LRIT3: variants seen among roughly 807,000 people sequenced by gnomAD.
The protein encoded by LRIT3 is leucine rich repeat, Ig-like and transmembrane domains 3, also known as leucine-rich repeat, immunoglobulin-like domain and transmembrane domain-containing protein 3.
LRIT3 carries 14 observed loss-of-function variants against 22.6 expected under a neutral mutation model. The observed-to-expected ratio is 0.62, with a 90% CI of 0.41 to 0.97. The LOEUF (loss-of-function observed/expected upper bound fraction) is 0.97, where lower values mean the gene tolerates loss of function less well. Ranked by LOEUF, LRIT3 falls within the 50% of genes least tolerant of loss-of-function variation. LRIT3 has a pLI of 0.00. For synonymous variants in LRIT3, 306 were observed against 304.5 expected, an observed-to-expected ratio of 1.01 and a Z score of -0.05; for missense variants, 783 against 803.0, an observed-to-expected ratio of 0.98 and a Z score of 0.30.
At chr4:109,863,332 A>G (rs894921386) in intron 2 of LRIT3, among the ~76,000 whole-genome samples, 3 of 152,132 alleles carry the variant, frequency 2.0e-5, no homozygotes, top group Admixed American at 1.3e-4. Flanking sequence ...TGGCTGTCCA[A>G]TTGTGTGACC....
intron 2 of LRIT3, among the ~76,000 whole-genome samples, chr4:109,862,043 T>C (rs1016720026): frequency 1.3e-5 from 2 of 152,192 alleles, no homozygotes; most frequent in Non-Finnish European, 2.9e-5. Flanking sequence ...TCCAGCACCA[T>C]TCATTAAAAA....
chr4:109,867,023 C>A (rs558804379), intron 2 of LRIT3, among the ~76,000 whole-genome samples: 1 of 152,306 alleles, frequency 6.6e-6, no homozygotes, highest in South Asian at 2.1e-4. Context: ...CACTCTATAT[C>A]TTTTGCCACA....
At chr4:109,850,418 C>CTTTCTTTCTCTTTCTTTCTTTCTTTCTTT (rs1491056843) in intron 1 of LRIT3, among the ~76,000 whole-genome samples, 1 of 28,228 alleles carries the variant, frequency 3.5e-5, no homozygotes, top group Non-Finnish European at 6.5e-5. Flanking sequence ...TTCCTTCCTT[C>CTTTCTTTCTCTTTCTTTCTTTCTTTCTTT]CTTCCTTTCT....
intron 2 of LRIT3, among the ~76,000 whole-genome samples, chr4:109,859,153 G>A (rs1734474686): frequency 6.6e-6 from 1 of 152,096 alleles, no homozygotes; most frequent in African/African-American, 2.4e-5. Context: ...AAAAATAATA[G>A]ACACACACAA....
Position 109,867,646 on chromosome 4 carries a change from C to A in LRIT3, c.595C>A (p.Gln199Lys). ...TTTCCCACCTTCTGTTTTAGGTCTACAGGACAATCCTTGGTTCTGTGACTG... is the reference window on the plus strand; with the variant it reads ...TTTCCCACCTTCTGTTTTAGGTCTAAAGGACAATCCTTGGTTCTGTGACTG... Reference protein sequence around the residue: ...LSPSRIILGLQDNPWFCDCHI... With the variant: ...LSPSRIILGLKDNPWFCDCHI... The change falls in exon 3 of 4, where the codon CAG (glutamine) becomes AAG (lysine). Residue 199 changes from glutamine to lysine, a missense_variant. Transcript: ENST00000594814. 1 of 1,613,048 alleles carries A rather than the reference C, an allele frequency of 6.2e-7. No individual in the cohort carries two copies. Among genetic ancestry groups the A allele is most frequent in the Non-Finnish European group, 8.5e-7 (1 of 1,179,150 alleles).
chr4:109,856,365 A>G (rs528291453), intron 2 of LRIT3, among the ~76,000 whole-genome samples: 13 of 152,278 alleles, frequency 8.5e-5, no homozygotes, highest in African/African-American at 3.1e-4. Context: ...TATTTTTTCC[A>G]ATTTTACACA....
chr4:109,849,893 G>A (rs536267523), intron 1 of LRIT3, among the ~76,000 whole-genome samples: 3 of 152,324 alleles, frequency 2.0e-5, no homozygotes, highest in South Asian at 4.1e-4. Context: ...GATTACAGGC[G>A]TGAGCCACCG....
At chr4:109,854,028 C>T (rs1579373506) in intron 2 of LRIT3, among the ~76,000 whole-genome samples, 1 of 87,958 alleles carries the variant, frequency 1.1e-5, no homozygotes, top group African/African-American at 4.6e-5. Flanking sequence ...GTGATGCCTC[C>T]AGCTTTGTTT....
intron 2 of LRIT3, among the ~76,000 whole-genome samples, chr4:109,855,584 T>C (rs992296670): frequency 7.9e-5 from 12 of 152,200 alleles, no homozygotes; most frequent in African/African-American, 2.9e-4. Flanking sequence ...TCTGCTAGCT[T>C]TTGAATGTGT....
chr4:109,850,415 C>T (rs868626232), intron 1 of LRIT3, among the ~76,000 whole-genome samples: 663 of 17,606 alleles, frequency 0.038, 11 homozygotes, highest in African/African-American at 0.067. Context: ...TCCTTCCTTC[C>T]TTCCTTCCTT....
At chr4:109,868,308 C>T (rs965516152) in intron 3 of LRIT3, among the ~76,000 whole-genome samples, 11 of 152,122 alleles carry the variant, frequency 7.2e-5, no homozygotes, top group East Asian at 1.9e-4. Flanking sequence ...CGGTGGCTCA[C>T]ACCTGTAATC....
In LRIT3 at chr4:109,867,621, T is replaced by A; in HGVS notation, c.590-20T>A. On this transcript the variant is annotated intron_variant, in intron 2 of 3. Coordinates refer to ENST00000594814, the MANE Select transcript of LRIT3 (RefSeq NM_198506.5). ...GTCATCAGAATAATCTTTGTCAACC[T>A]TTCCCACCTTCTGTTTTAGGTCTAC... The A allele has an allele frequency of 6.2e-7, 1 of 1,606,186 alleles. No homozygotes were observed. The highest frequency in any genetic ancestry group is 8.5e-7 in the Non-Finnish European group (1 of 1,174,200).
At chr4:109,857,322 AG>A (rs35951347) in intron 2 of LRIT3, among the ~76,000 whole-genome samples, 112 of 147,356 alleles carry the variant, frequency 7.6e-4, no homozygotes, top group African/African-American at 2.5e-3. Context: ...CATTAGCAAC[AG>A]GGGGGTATAA....
Position 109,870,552 on chromosome 4 carries a change from CTTG to C in LRIT3, c.1808_1810del (p.Leu603del), listed in dbSNP as rs752913619. On this transcript the variant is annotated inframe_deletion, in exon 4 of 4. Transcript: ENST00000594814. ...TTGTTATCTTACCATTGATTTGTTT[CTTG>C]TTGTACAAAGTTTGCAAACTGCAAT... 5.0e-6 allele frequency: 8 copies of C among 1,613,982 alleles called. No homozygotes were observed. The highest frequency in any genetic ancestry group is 4.0e-5 in the African/African-American group (3 of 74,912).
chr4:109,868,309 A>G (rs4698753), intron 3 of LRIT3, among the ~76,000 whole-genome samples: 126,347 of 152,090 alleles, frequency 0.83, 52,720 homozygotes, highest in African/African-American at 0.92. Flanking sequence ...GGTGGCTCAC[A>G]CCTGTAATCC....
chr4:109,870,306 T>G lies in LRIT3; in HGVS notation c.1557T>G (p.Tyr519Ter). ...ATAACTCTGCAGTGACTGTGTTGTA[T>G]TCCAAGTATGGTGGGAAGGACCTGC... ...TTHNSAVTVL[Y>*]SKYGGKDLLL... Residue 519 changes from tyrosine (Y) to a stop codon, truncating the protein, a stop_gained, in exon 4 of 4, where the codon TAT (tyrosine) becomes TAG (stop). Transcript: ENST00000594814. LOFTEE classifies it low-confidence loss of function (END_TRUNC). 1 of 1,614,202 alleles carries G rather than the reference T, an allele frequency of 6.2e-7. No individual in the cohort carries two copies. The highest frequency in any genetic ancestry group is 1.3e-5 in the African/African-American group (1 of 75,050).
In LRIT3 at chr4:109,859,430, A is replaced by G. The variant is rs554922240; in HGVS notation, c.589+7454A>G. ...TCAGTAATTTCTAACAGAGCCTTAA[A>G]ACAGAAACACAGTCTTTTCATAACC... On this transcript the variant is annotated intron_variant, in intron 2 of 3. Transcript: ENST00000594814. 2.0e-5 allele frequency among the ~76,000 whole-genome samples: 3 copies of G among 152,344 alleles called. No homozygotes were observed. The South Asian group carries it at 6.2e-4, about 32-fold the overall frequency.
At chr4:109,861,787 A>G (rs1366079561) in intron 2 of LRIT3, among the ~76,000 whole-genome samples, 1 of 152,102 alleles carries the variant, frequency 6.6e-6, no homozygotes, top group African/African-American at 2.4e-5. Context: ...TTACATTTTG[A>G]TGACATTTGA....
intron 1 of LRIT3, among the ~76,000 whole-genome samples, chr4:109,849,721 T>A (rs1734162896): frequency 6.6e-6 from 1 of 152,230 alleles, no homozygotes; most frequent in South Asian, 2.1e-4. Context: ...CAAGCAATTC[T>A]CCTGCCTCAG....
Sources: allele counts gnomAD v4.1 joint callset (sites outside exome capture counted in the v4.1 genomes callset), GRCh38; gene constraint gnomAD v4.1.1; transcripts MANE v1.5; gene names NCBI Gene and HGNC (gene_info 2026-07-23, HGNC 2026-07-21).